The following ACAD10 variants were observed in gnomAD, a reference collection of about 807,000 sequenced individuals.
ACAD10 encodes acyl-CoA dehydrogenase family member 10.
Under a neutral mutation model 116.8 loss-of-function variants are expected in ACAD10, and 112 were observed. That is an observed-to-expected ratio of 0.96 (90% CI 0.82 to 1.12). The LOEUF is 1.12. Ranked by LOEUF, ACAD10 falls within the 50% of genes most tolerant of loss-of-function variation. ACAD10 has a pLI of 0.00. For missense variants in ACAD10, 1,259 were observed against 1,350.2 expected, an observed-to-expected ratio of 0.93 and a Z score of 1.06; for synonymous variants, 486 against 510.6, an observed-to-expected ratio of 0.95 and a Z score of 0.65.
At chr12:111,703,905 TTATA>T (rs145548072) in intron 3 of ACAD10, among the ~76,000 whole-genome samples, 2 of 145,484 alleles carry the variant, frequency 1.4e-5, no homozygotes, top group East Asian at 2.0e-4. Flanking sequence ...TTTCCACAAT[TTATA>T]TATATATATA....
At position 111,753,905 on chromosome 12, in the gene ACAD10, C is replaced by T. The variant is rs2135996067; in HGVS notation, c.2951C>T (p.Ala984Val). 1 of 1,605,590 alleles carries T rather than the reference C, an allele frequency of 6.2e-7. No individual in the cohort carries two copies. The highest frequency in any genetic ancestry group is 8.5e-7 in the Non-Finnish European group (1 of 1,174,346). The change falls in exon 19 of 21, where the codon GCA becomes GTA. Residue 984 changes from alanine to valine, a missense_variant. By Grantham distance (64) the Ala-to-Val change is moderately conservative. Transcript: ENST00000313698. ...AGAGCTGCCCACCTCATGGACCTGG[C>T]AGGAAACAAGGTAGGGGCAGGGGCA... The part of the protein sequence containing the change: ...VLRAAHLMDL[A>V]GNKAAALDIA...
At chr12:111,718,680 A>T (rs1255325240) in intron 7 of ACAD10, among the ~76,000 whole-genome samples, 1 of 151,512 alleles carries the variant, frequency 6.6e-6, no homozygotes, top group African/African-American at 2.4e-5. Context: ...GGGTTTCACC[A>T]TGTTGGTCAG....
chr12:111,707,703 G>A (rs1166733533), intron 4 of ACAD10, among the ~76,000 whole-genome samples: 1 of 152,140 alleles, frequency 6.6e-6, no homozygotes, highest in Non-Finnish European at 1.5e-5. Context: ...TTCCATCTTT[G>A]GAAGAGCTAC....
At chr12:111,735,734 C>T (rs1889534097) in intron 11 of ACAD10, among the ~76,000 whole-genome samples, 1 of 152,118 alleles carries the variant, frequency 6.6e-6, no homozygotes, top group Non-Finnish European at 1.5e-5. Flanking sequence ...GGATTACAGG[C>T]GTGAGCCACT....
rs138769725 is a variant in ACAD10 at position 111,747,319 on chromosome 12, A to T, written c.2419A>T (p.Ile807Phe). 6.2e-7 allele frequency: 1 copy of T among 1,614,104 alleles called. No homozygotes were observed. The highest frequency in any genetic ancestry group is 8.5e-7 in the Non-Finnish European group (1 of 1,179,990). The change falls in exon 16 of 21, where the codon ATT becomes TTT. Residue 807 changes from isoleucine to phenylalanine, a missense_variant. Physicochemically the swap from Ile to Phe is conservative, Grantham distance 21 (BLOSUM62 0). Coordinates refer to ENST00000313698, the MANE Select transcript of ACAD10 (RefSeq NM_025247.6). The stretch of plus-strand genomic sequence containing the variant: ...GGTTGCCTCTTCAGATGCCACCAAC[A>T]TTGAGGCTTCCATCAGAGAGGAGGA... ...PQVASSDATNIEASIREEDSF... is the reference protein window; with the variant it reads ...PQVASSDATNFEASIREEDSF...
At chr12:111,701,761 T>C (rs1227278852) in intron 2 of ACAD10, among the ~76,000 whole-genome samples, 1 of 152,214 alleles carries the variant, frequency 6.6e-6, no homozygotes. Context: ...TACTATAGCC[T>C]ATAGAAGGAA....
chr12:111,723,796 G>A (rs561994144), intron 8 of ACAD10, among the ~76,000 whole-genome samples: 14 of 151,662 alleles, frequency 9.2e-5, no homozygotes, highest in Admixed American at 1.3e-4. Flanking sequence ...CAGATGGGGC[G>A]GCTGCCGGGC....
chr12:111,698,591 C>T (rs1016667922), intron 2 of ACAD10, among the ~76,000 whole-genome samples: 1 of 151,900 alleles, frequency 6.6e-6, no homozygotes, highest in African/African-American at 2.4e-5. Context: ...GATTCTCCTG[C>T]CTCAGCCTCC....
At chr12:111,702,479 C>T (rs1661547261) in intron 3 of ACAD10, among the ~76,000 whole-genome samples, 169 bp downstream of exon 3, 1 of 152,084 alleles carries the variant, frequency 6.6e-6, no homozygotes, top group South Asian at 2.1e-4. Flanking sequence ...GCCTATAATC[C>T]CAGCACTTTG....
At chr12:111,692,662 A>G (rs769105842) in intron 1 of ACAD10, 35 bp from the exon 2 acceptor site, 6 of 1,582,356 alleles carry the variant, frequency 3.8e-6, no homozygotes, top group South Asian at 1.2e-5. Flanking sequence ...GAGGCAGTGC[A>G]GGCAAGTAAC....
intron 10 of ACAD10, among the ~76,000 whole-genome samples, chr12:111,732,324 CA>C (rs1379891458): frequency 1.3e-5 from 2 of 151,652 alleles, no homozygotes; most frequent in East Asian, 3.9e-4. Flanking sequence ...TCATAAGTCT[CA>C]AAAAAGATAA....
chr12:111,737,525 T>C (rs1333126064), intron 12 of ACAD10, among the ~76,000 whole-genome samples: 1 of 152,156 alleles, frequency 6.6e-6, no homozygotes, highest in Non-Finnish European at 1.5e-5. Context: ...ATTATTAAAG[T>C]AATGCACAAA....
chr12:111,741,874 AT>A (rs1889753299), intron 12 of ACAD10, among the ~76,000 whole-genome samples: 1 of 152,204 alleles, frequency 6.6e-6, no homozygotes, highest in Non-Finnish European at 1.5e-5. Flanking sequence ...TTTCCAAGAC[AT>A]TCTCTCTATG....
At position 111,748,409 on chromosome 12, in the gene ACAD10, C is replaced by A; in HGVS notation, c.2578C>A (p.Pro860Thr). 1 of 1,614,120 alleles carries A rather than the reference C, an allele frequency of 6.2e-7. No homozygotes were observed. Among genetic ancestry groups the A allele is most frequent in the Non-Finnish European group, 8.5e-7 (1 of 1,180,032 alleles). Residue 860 changes from proline (P) to threonine (T), a missense_variant, in exon 17 of 21, where the codon CCC becomes ACC. Pro to Thr is a conservative substitution (Grantham distance 38). Transcript: ENST00000313698. ...RHRQQSVLLV[P>T]MDTPGIKIIR... Reference sequence around the variant, plus strand: ...CCGGCAGCAGTCTGTGCTCTTGGTTCCCATGGATACCCCAGGGATAAAAAT... The same window carrying A: ...CCGGCAGCAGTCTGTGCTCTTGGTTACCATGGATACCCCAGGGATAAAAAT...
chr12:111,714,724 T>A (rs1420472332), intron 6 of ACAD10, among the ~76,000 whole-genome samples: 2 of 151,950 alleles, frequency 1.3e-5, no homozygotes, highest in Admixed American at 6.6e-5. Context: ...AAATTAAATT[T>A]TTTTTGAGAT....
At chr12:111,755,883 TTTCCTC>T in intron 20 of ACAD10, 138 bp downstream of exon 20, 1 of 913,274 alleles carries the variant, frequency 1.1e-6, no homozygotes, top group Non-Finnish European at 1.8e-6. Flanking sequence ...CAACTTTCCT[TTTCCTC>T]TTCAGAATGA....
At chr12:111,746,058 C>CCTCCAATCCCTTTCATTGTTTT (rs1889886775) in intron 13 of ACAD10, 86 bp from the exon 14 acceptor site, 1 of 1,524,208 alleles carries the variant, frequency 6.6e-7, no homozygotes, top group South Asian at 1.3e-5. Context: ...TGCCTTGTTT[C>CCTCCAATCCCTTTCATTGTTTT]CTCCAATCCC....
At chr12:111,696,591 G>A (rs537080765) in intron 2 of ACAD10, among the ~76,000 whole-genome samples, 13 of 152,240 alleles carry the variant, frequency 8.5e-5, no homozygotes, top group African/African-American at 2.4e-4. Context: ...AACAGGGTCC[G>A]TAATGCTTTC....
intron 12 of ACAD10, among the ~76,000 whole-genome samples, chr12:111,742,579 G>A (rs1344685354): frequency 1.3e-5 from 2 of 152,114 alleles, no homozygotes; most frequent in African/African-American, 2.4e-5. Context: ...GGCTGTCTCA[G>A]CTGGGCATGG....
Sources: allele counts gnomAD v4.1 joint callset (sites outside exome capture counted in the v4.1 genomes callset), GRCh38; gene constraint gnomAD v4.1.1; transcripts MANE v1.5; gene names NCBI Gene and HGNC (gene_info 2026-07-23, HGNC 2026-07-21).